Variants in THSD4 observed in about 807,000 individuals in gnomAD.
THSD4 encodes thrombospondin type 1 domain containing 4.
Under a neutral mutation model 119.0 loss-of-function variants are expected in THSD4, and 69 were observed. That is an observed-to-expected ratio of 0.58 (90% CI 0.48 to 0.71). The LOEUF is 0.71. Among genes scored for constraint, THSD4 ranks in the 30% least tolerant of loss-of-function variants. The pLI, the probability that THSD4 is intolerant of heterozygous loss-of-function variation, is 0.00. For missense variants in THSD4, 1,393 were observed against 1,391.1 expected (o/e 1.00, Z -0.02); for synonymous variants, 524 against 540.4 (o/e 0.97, Z 0.42).
chr15:71,416,823 A>G (rs1474427717), intron 7 of THSD4, among the ~76,000 whole-genome samples: 1 of 104,812 alleles, frequency 9.5e-6, no homozygotes, highest in African/African-American at 3.3e-5. Context: ...CAGTGGTGCA[A>G]TCTTGGCTCA....
At chr15:71,740,342 A>G (rs1001440301) in intron 11 of THSD4, among the ~76,000 whole-genome samples, 1 of 152,218 alleles carries the variant, frequency 6.6e-6, no homozygotes, top group Non-Finnish European at 1.5e-5. Context: ...CCGAAATCAA[A>G]ATGTATTATT....
intron 7 of THSD4, among the ~76,000 whole-genome samples, chr15:71,621,946 G>A (rs2050425524): frequency 6.6e-6 from 1 of 152,196 alleles, no homozygotes; most frequent in South Asian, 2.1e-4. Flanking sequence ...TTGTAATCAT[G>A]ATATATTATC....
chr15:71,161,048 T>C (rs1388570294), intron 3 of THSD4, among the ~76,000 whole-genome samples: 2 of 152,136 alleles, frequency 1.3e-5, no homozygotes, highest in African/African-American at 2.4e-5. Context: ...TTAATGTTCA[T>C]GTATCTGTAA....
intron 8 of THSD4, among the ~76,000 whole-genome samples, chr15:71,703,076 G>T (rs1210747088): frequency 2.6e-5 from 4 of 152,000 alleles, no homozygotes; most frequent in African/African-American, 9.7e-5. Context: ...CGCCTCCTGG[G>T]TTCGAAGGAT....
At chr15:71,139,212 C>G (rs748672895) in intron 1 of THSD4, among the ~76,000 whole-genome samples, 1 of 152,180 alleles carries the variant, frequency 6.6e-6, no homozygotes, top group Non-Finnish European at 1.5e-5. Context: ...TACTTAGGGT[C>G]TGAATGAACA....
intron 3 of THSD4, among the ~76,000 whole-genome samples, chr15:71,172,720 T>TGTG: frequency 8.4e-6 from 1 of 118,580 alleles, no homozygotes; most frequent in African/African-American, 3.9e-5. Flanking sequence ...TATATATATA[T>TGTG]ATATATATAT....
At position 71,698,082 on chromosome 15, in the gene THSD4, CCCCA is replaced by C. The variant is rs545233966; in HGVS notation, c.1358-30466_1358-30463del. Among the ~76,000 whole-genome samples the C allele has an allele frequency of 1.6e-4, 25 of 152,280 alleles. No individual in the cohort carries two copies. In the Middle Eastern group the frequency reaches 0.01, roughly 62 times the overall value. On this transcript the variant is annotated intron_variant, in intron 8 of 17. Coordinates refer to ENST00000261862, the MANE Select transcript of THSD4 (RefSeq NM_024817.3). ...CACACTGCAGAGTCCCTCGGGACCGCCCCAGGACCTGGGGGCTATGTGGCACACT... is the reference window on the plus strand; with the variant it reads ...CACACTGCAGAGTCCCTCGGGACCGCGGACCTGGGGGCTATGTGGCACACT...
chr15:71,117,028 T>G (rs556157935), intron 1 of THSD4, among the ~76,000 whole-genome samples: 1 of 152,110 alleles, frequency 6.6e-6, no homozygotes, highest in South Asian at 2.1e-4. Context: ...TCCTGGGACT[T>G]TCCTATAAAT....
At chr15:71,662,867 A>T (rs2051338066) in intron 8 of THSD4, among the ~76,000 whole-genome samples, 1 of 152,112 alleles carries the variant, frequency 6.6e-6, no homozygotes, top group African/African-American at 2.4e-5. Flanking sequence ...TTTGTCTCAG[A>T]GAGATTGTCA....
At chr15:71,269,772 G>A (rs2044507893) in intron 6 of THSD4, among the ~76,000 whole-genome samples, 1 of 152,142 alleles carries the variant, frequency 6.6e-6, no homozygotes, top group Admixed American at 6.5e-5. Flanking sequence ...CAAAATCAAT[G>A]TGCAAAAATC....
chr15:71,510,984 C>T (rs1002085924), intron 7 of THSD4, among the ~76,000 whole-genome samples: 2 of 151,736 alleles, frequency 1.3e-5, no homozygotes, highest in South Asian at 4.2e-4. Context: ...GCGGTGTGGT[C>T]GAGTGATGTT....
chr15:71,111,060 T>G, upstream of THSD4: 1 of 1,397,626 alleles, frequency 7.2e-7, no homozygotes, highest in Non-Finnish European at 9.7e-7. Context: ...CTCTTGGCTG[T>G]GAGTATTATC....
At chr15:71,715,428 A>G (rs1277523778) in intron 8 of THSD4, among the ~76,000 whole-genome samples, 1 of 152,148 alleles carries the variant, frequency 6.6e-6, no homozygotes, top group Non-Finnish European at 1.5e-5. Flanking sequence ...CAAATTTCCT[A>G]TGTTTAGTCC....
intron 6 of THSD4, among the ~76,000 whole-genome samples, chr15:71,377,902 A>ACC (rs779584942): frequency 0.062 from 5,712 of 91,620 alleles, 199 homozygotes; most frequent in African/African-American, 0.13. Context: ...ACACACACAC[A>ACC]CACACACACA....
At position 71,762,178 on chromosome 15, in the gene THSD4, CAGAGAT is replaced by C. The variant is rs1334481396; in HGVS notation, c.2590-2834_2590-2829del. Among the ~76,000 whole-genome samples, 404 of 147,604 alleles carry C rather than the reference CAGAGAT, an allele frequency of 2.7e-3. 3 individuals carry two copies. The highest frequency in any genetic ancestry group is 9.5e-3 in the African/African-American group (380 of 40,080). ...ACACACACACACACACACACACACA[CAGAGAT>C]AGAGATACACACACATGAACACATT... is the stretch of plus-strand genomic sequence containing the variant. On this transcript the variant is annotated intron_variant, in intron 15 of 17. Transcript: ENST00000261862.
intron 7 of THSD4, among the ~76,000 whole-genome samples, chr15:71,496,535 G>A (rs1423063136): frequency 6.6e-6 from 1 of 152,138 alleles, no homozygotes; most frequent in Non-Finnish European, 1.5e-5. Context: ...CCTATCAACA[G>A]AACCACATTC....
rs8040775 is a variant in THSD4, at chr15:71,105,740, A to G, written c.-80+8734A>G. The stretch of plus-strand genomic sequence containing the variant: ...TTTCATCCTATTTTCTGAGTCCACA[A>G]TTAGAGGCATTCCACCCAAAGACGA... On this transcript the variant is annotated intron_variant, in intron 1 of 17. Coordinates refer to the THSD4 transcript ENST00000355327. Among the ~76,000 whole-genome samples, 722 of 152,346 alleles carry G rather than the reference A, an allele frequency of 4.7e-3. 6 individuals carry two copies. The highest frequency in any genetic ancestry group is 0.017 in the African/African-American group (711 of 41,584).
At chr15:71,632,023 C>G (rs1029654739) in intron 7 of THSD4, among the ~76,000 whole-genome samples, 3 of 152,116 alleles carry the variant, frequency 2.0e-5, no homozygotes, top group Admixed American at 6.5e-5. Context: ...GCCTGAGCCT[C>G]GGTTTTCCCA....
chr15:71,660,915 T>TA (rs34436025), intron 8 of THSD4, among the ~76,000 whole-genome samples, 181 bp downstream of exon 8: 213 of 151,210 alleles, frequency 1.4e-3, no homozygotes, highest in African/African-American at 3.5e-3. Context: ...TGGAGAACGT[T>TA]AAAAAAAAAG....
Sources: allele counts gnomAD v4.1 joint callset (sites outside exome capture counted in the v4.1 genomes callset), GRCh38; gene constraint gnomAD v4.1.1; transcripts MANE v1.5; gene names NCBI Gene and HGNC (gene_info 2026-07-23, HGNC 2026-07-21).